Variants in COL24A1 observed in about 807,000 individuals in gnomAD.
COL24A1 encodes the protein collagen type XXIV alpha 1 chain.
Under a neutral mutation model 253.9 loss-of-function variants are expected in COL24A1, and 224 were observed. That is an observed-to-expected ratio of 0.88 (90% CI 0.79 to 0.99). The LOEUF (loss-of-function observed/expected upper bound fraction) is 0.99. Among genes scored for constraint, COL24A1 ranks in the 50% least tolerant of loss-of-function variants. The probability of loss-of-function intolerance (pLI) is 0.00; values close to 1 mark genes in which losing one functional copy is unlikely to be tolerated. For missense variants in COL24A1, 2,131 were observed against 2,068.5 expected, an observed-to-expected ratio of 1.03 and a Z score of -0.59; for synonymous variants, 685 against 673.7, an observed-to-expected ratio of 1.02 and a Z score of -0.26.
At chr1:86,055,153 C>A (rs1220920842) in intron 10 of COL24A1, among the ~76,000 whole-genome samples, 1 of 152,026 alleles carries the variant, frequency 6.6e-6, no homozygotes, top group Non-Finnish European at 1.5e-5. Flanking sequence ...GGAGGGAGGG[C>A]CAGAAAAAGG....
At chr1:85,809,318 C>T (rs542198936) in intron 47 of COL24A1, among the ~76,000 whole-genome samples, 2 of 152,280 alleles carry the variant, frequency 1.3e-5, no homozygotes, top group East Asian at 3.9e-4. Context: ...AGGCAGTTTT[C>T]ATTCCCTGAG....
chr1:85,905,394 T>G, intron 28 of COL24A1, among the ~76,000 whole-genome samples: 1 of 152,068 alleles, frequency 6.6e-6, no homozygotes, highest in Non-Finnish European at 1.5e-5. Flanking sequence ...AAAATAGGAA[T>G]ATATCAGTGG....
chr1:85,965,635 T>TCC lies in COL24A1; in HGVS notation c.2464-574_2464-573insGG, dbSNP rs1399633522. The stretch of plus-strand genomic sequence containing the variant: ...AGAGATCCCAGGATTCTGTGAAGAG[T>TCC]GTGACCCTTGACCCCTCAACCAACT... On this transcript the variant is annotated intron_variant, in intron 22 of 59. Coordinates refer to ENST00000370571, the MANE Select transcript of COL24A1 (RefSeq NM_152890.7). Among the ~76,000 whole-genome samples, 5 of 151,946 alleles carry TCC rather than the reference T, an allele frequency of 3.3e-5. No homozygotes were observed. The East Asian group carries it at 9.7e-4, about 29-fold the overall frequency.
chr1:86,133,075 T>C (rs180733028), intron 2 of COL24A1, among the ~76,000 whole-genome samples: 232 of 152,308 alleles, frequency 1.5e-3, no homozygotes, highest in African/African-American at 5.5e-3. Flanking sequence ...TTCGCATCCC[T>C]TGTAAGCTGG....
intron 28 of COL24A1, among the ~76,000 whole-genome samples, chr1:85,900,012 G>A (rs1332693819): frequency 2.6e-5 from 4 of 152,210 alleles, no homozygotes; most frequent in Admixed American, 1.3e-4. Flanking sequence ...GACTGGAAGA[G>A]AGGACCTGAA....
chr1:85,852,355 T>C (rs1457699818), intron 37 of COL24A1, among the ~76,000 whole-genome samples: 1 of 152,212 alleles, frequency 6.6e-6, no homozygotes, highest in Non-Finnish European at 1.5e-5. Flanking sequence ...CTAGCTTCAA[T>C]AATAAGTTAT....
At chr1:86,105,733 G>C (rs1704918281) in intron 5 of COL24A1, among the ~76,000 whole-genome samples, 1 of 152,134 alleles carries the variant, frequency 6.6e-6, no homozygotes, top group Non-Finnish European at 1.5e-5. Context: ...ACTTATCTAA[G>C]CCGCTCTCCC....
intron 18 of COL24A1, among the ~76,000 whole-genome samples, chr1:86,019,147 G>A (rs535833084): frequency 1.3e-5 from 2 of 152,216 alleles, no homozygotes; most frequent in East Asian, 3.9e-4. Flanking sequence ...AATTGAATGT[G>A]GGAGTTTGTT....
intron 20 of COL24A1, among the ~76,000 whole-genome samples, chr1:85,971,868 C>T (rs1010755956): frequency 6.6e-6 from 1 of 152,024 alleles, no homozygotes; most frequent in African/African-American, 2.4e-5. Flanking sequence ...GAATATTCTT[C>T]AACTTATTTC....
At chr1:85,994,410 T>C (rs1694571858) in intron 19 of COL24A1, among the ~76,000 whole-genome samples, 1 of 83,898 alleles carries the variant, frequency 1.2e-5, no homozygotes, top group Admixed American at 1.1e-4. Context: ...AAAGTTATCC[T>C]GAAAAAAAAA....
At chr1:85,948,749 T>G (rs1462951816) in intron 24 of COL24A1, among the ~76,000 whole-genome samples, 1 of 151,388 alleles carries the variant, frequency 6.6e-6, no homozygotes, top group Non-Finnish European at 1.5e-5. Flanking sequence ...TACCAAAACC[T>G]GGCAGAGATA....
chr1:86,105,346 G>A (rs1704869229), intron 5 of COL24A1, among the ~76,000 whole-genome samples: 1 of 152,206 alleles, frequency 6.6e-6, no homozygotes, highest in South Asian at 2.1e-4. Context: ...TGGAACCTGG[G>A]GATGCTGCAG....
chr1:85,777,204 T>A (rs1333342977), intron 52 of COL24A1, among the ~76,000 whole-genome samples: 1 of 151,980 alleles, frequency 6.6e-6, no homozygotes, highest in Non-Finnish European at 1.5e-5. Flanking sequence ...CGCCTCAGCC[T>A]CCCAAAGTGC....
At chr1:85,791,449 AG>A (rs1670265657) in intron 47 of COL24A1, among the ~76,000 whole-genome samples, 1 of 152,188 alleles carries the variant, frequency 6.6e-6, no homozygotes, top group Non-Finnish European at 1.5e-5. Flanking sequence ...AAATTTGGAA[AG>A]CATATGGTGG....
rs776809403 is a variant in COL24A1 at position 86,125,420 on chromosome 1, C to G, written c.916G>C (p.Glu306Gln). The change falls in exon 3 of 60, where the codon GAA (glutamate) becomes CAA (glutamine). Residue 306 changes from glutamate (E) to glutamine (Q), a missense_variant. Glu to Gln is a conservative substitution (Grantham distance 29). Coordinates refer to ENST00000370571, the MANE Select transcript of COL24A1 (RefSeq NM_152890.7). ...NDSETVYKRQ[E>Q]HQISRSQLSS... Reference sequence around the variant, plus strand: ...AACTGAGATCTTGATATCTGGTGTTCTTGTCTTTTATACACGGTTTCAGAA... The same window carrying G: ...AACTGAGATCTTGATATCTGGTGTTGTTGTCTTTTATACACGGTTTCAGAA... 2 of 1,613,514 alleles carry G rather than the reference C, an allele frequency of 1.2e-6. No homozygotes were observed. The highest frequency in any genetic ancestry group is 4.5e-5 in the East Asian group (2 of 44,850).
At position 85,966,757 on chromosome 1, in the gene COL24A1, C is replaced by A. The variant is rs191536908; in HGVS notation, c.2464-1695G>T. Among the ~76,000 whole-genome samples the A allele has an allele frequency of 2.0e-5, 3 of 151,902 alleles. No individual in the cohort carries two copies. In the East Asian group the frequency reaches 5.8e-4, roughly 29 times the overall value. On this transcript the variant is annotated intron_variant, in intron 22 of 59. Coordinates refer to ENST00000370571, the MANE Select transcript of COL24A1 (RefSeq NM_152890.7). ...ATCCAGCAATACAGAAACCACTGAT[C>A]GTATTTATCAGATCATTTGTATTGT...
intron 2 of COL24A1, among the ~76,000 whole-genome samples, chr1:86,133,885 C>G (rs1016622307): frequency 2.0e-5 from 3 of 152,142 alleles, no homozygotes; most frequent in Admixed American, 1.3e-4. Flanking sequence ...GGAGGATTCC[C>G]TCTTTTTCTA....
intron 31 of COL24A1, among the ~76,000 whole-genome samples, chr1:85,893,699 T>C (rs1246297749): frequency 6.6e-6 from 1 of 152,224 alleles, no homozygotes. Flanking sequence ...CAGAGCACTA[T>C]ATGTTGCCAG....
intron 53 of COL24A1, among the ~76,000 whole-genome samples, chr1:85,766,814 A>G (rs1451025697): frequency 1.3e-5 from 2 of 152,312 alleles, no homozygotes; most frequent in Admixed American, 1.3e-4. Flanking sequence ...AAATTTTAAA[A>G]TAAGATTGAG....
Sources: allele counts gnomAD v4.1 joint callset (sites outside exome capture counted in the v4.1 genomes callset), GRCh38; gene constraint gnomAD v4.1.1; transcripts MANE v1.5; gene names NCBI Gene and HGNC (gene_info 2026-07-23, HGNC 2026-07-21).